The following SULF1 variants were observed in gnomAD, a reference collection of about 807,000 sequenced individuals.
The protein encoded by SULF1 is extracellular sulfatase Sulf-1.
Under a neutral mutation model 110.5 loss-of-function variants are expected in SULF1, and 46 were observed. The ratio of observed to expected loss-of-function variants is 0.42; its 90% CI spans 0.33 to 0.53. The LOEUF (loss-of-function observed/expected upper bound fraction) is 0.53, where lower values mean the gene tolerates loss of function less well. Among genes scored for constraint, SULF1 ranks in the 20% least tolerant of loss-of-function variants. SULF1 has a pLI of 0.12. For missense variants in SULF1, 941 were observed against 1,094.2 expected (o/e 0.86, Z 1.98); for synonymous variants, 371 against 387.1 (o/e 0.96, Z 0.49).
At chr8:69,558,477 G>A (rs1482348215) in intron 3 of SULF1, among the ~76,000 whole-genome samples, 2 of 152,156 alleles carry the variant, frequency 1.3e-5, no homozygotes, top group Non-Finnish European at 2.9e-5. Flanking sequence ...CGAGTGGGTT[G>A]TTCTGACCCT....
chr8:69,519,901 T>C (rs1812174807), intron 3 of SULF1, among the ~76,000 whole-genome samples: 1 of 152,054 alleles, frequency 6.6e-6, no homozygotes, highest in African/African-American at 2.4e-5. Flanking sequence ...ACTACAGAAA[T>C]TGGGAAGGAA....
chr8:69,630,540 A>C (rs1810437354), intron 19 of SULF1, among the ~76,000 whole-genome samples: 1 of 152,192 alleles, frequency 6.6e-6, no homozygotes, highest in Non-Finnish European at 1.5e-5. Context: ...TCTTGATTTC[A>C]GGGTCCATGT....
chr8:69,620,593 TC>T (rs1287876342), intron 13 of SULF1, among the ~76,000 whole-genome samples: 3 of 152,232 alleles, frequency 2.0e-5, no homozygotes, highest in African/African-American at 7.2e-5. Context: ...CATGTGCCAT[TC>T]TTCCCTGGCT....
At chr8:69,644,945 C>G (rs149349635) in intron 22 of SULF1, among the ~76,000 whole-genome samples, 1 of 152,140 alleles carries the variant, frequency 6.6e-6, no homozygotes, top group Non-Finnish European at 1.5e-5. Flanking sequence ...AGCTGTCTTA[C>G]TAGCACTGTT....
At chr8:69,488,331 A>G (rs567921481), upstream of SULF1, among the ~76,000 whole-genome samples, 2 of 152,374 alleles carry the variant, frequency 1.3e-5, no homozygotes, top group Admixed American at 1.3e-4. Context: ...TGACAAGAGT[A>G]GAAGTGTCAT....
At chr8:69,607,819 G>A (rs1468215660) in intron 13 of SULF1, among the ~76,000 whole-genome samples, 1 of 152,208 alleles carries the variant, frequency 6.6e-6, no homozygotes, top group Non-Finnish European at 1.5e-5. Context: ...CAGGTTCGAG[G>A]TGGCAGCGGA....
At chr8:69,591,543 G>A (rs756441093) in intron 8 of SULF1, among the ~76,000 whole-genome samples, 7 of 150,636 alleles carry the variant, frequency 4.6e-5, no homozygotes, top group African/African-American at 7.3e-5. Flanking sequence ...CAGCCTCGGC[G>A]ACAGAGCAAG....
At chr8:69,554,982 AAAAAAAAAAAAAAAAAC>A (rs1315787101) in intron 3 of SULF1, among the ~76,000 whole-genome samples, 4 of 101,904 alleles carry the variant, frequency 3.9e-5, no homozygotes, top group African/African-American at 1.5e-4. Flanking sequence ...CCATCTCAAA[AAAAAAAAAAAAAAAAAC>A]AAAAAAAAAA....
intron 3 of SULF1, among the ~76,000 whole-genome samples, chr8:69,507,678 T>C (rs1464209747): frequency 6.6e-6 from 1 of 152,212 alleles, no homozygotes; most frequent in Non-Finnish European, 1.5e-5. Flanking sequence ...AATAGGAGAA[T>C]TGAAGTACTA....
chr8:69,651,529 A>C (rs1045781507), intron 22 of SULF1, among the ~76,000 whole-genome samples: 9 of 151,012 alleles, frequency 6.0e-5, no homozygotes, highest in Admixed American at 5.9e-4. Flanking sequence ...ATGTTAAGGA[A>C]ATAGCCATCA....
At chr8:69,615,672 A>C (rs1809044853) in intron 13 of SULF1, among the ~76,000 whole-genome samples, 1 of 152,186 alleles carries the variant, frequency 6.6e-6, no homozygotes, top group South Asian at 2.1e-4. Context: ...ATGATACATC[A>C]TCATAGCCAA....
intron 3 of SULF1, among the ~76,000 whole-genome samples, chr8:69,526,834 GAA>G (rs1163581470): frequency 6.5e-4 from 94 of 143,718 alleles, no homozygotes; most frequent in African/African-American, 2.6e-3. Context: ...AGGAAGGAAG[GAA>G]GGAAGGGAGG....
At chr8:69,636,932 C>T (rs1020861352) in intron 19 of SULF1, among the ~76,000 whole-genome samples, 6 of 152,112 alleles carry the variant, frequency 3.9e-5, no homozygotes, top group Non-Finnish European at 7.3e-5. Context: ...AAAGAGTGAC[C>T]GTGACCTTTT....
intron 15 of SULF1, chr8:69,625,812 TC>T (rs1328808865): frequency 6.6e-6 from 1 of 152,436 alleles, no homozygotes; most frequent in Non-Finnish European, 1.5e-5. Flanking sequence ...CACTGCTGGC[TC>T]CGGCAGCCTG....
chr8:69,497,722 C>A (rs1023260961), intron 2 of SULF1, among the ~76,000 whole-genome samples: 1 of 152,126 alleles, frequency 6.6e-6, no homozygotes, highest in Non-Finnish European at 1.5e-5. Context: ...TACAAAGTTT[C>A]AGAGCCAGGA....
intron 8 of SULF1, among the ~76,000 whole-genome samples, chr8:69,599,989 C>T (rs1048485652): frequency 4.6e-5 from 7 of 152,118 alleles, no homozygotes; most frequent in Admixed American, 1.3e-4. Flanking sequence ...GTTTATTAAA[C>T]GAATAGCTTT....
At chr8:69,468,730 T>G (rs1176455214) in intron 1 of SULF1, among the ~76,000 whole-genome samples, 2 of 152,234 alleles carry the variant, frequency 1.3e-5, no homozygotes, top group Non-Finnish European at 2.9e-5. Flanking sequence ...ATGGACAGCA[T>G]ATAGCATGCA....
At chr8:69,634,478 G>A (rs985161262) in intron 19 of SULF1, among the ~76,000 whole-genome samples, 6 of 152,262 alleles carry the variant, frequency 3.9e-5, no homozygotes, top group Non-Finnish European at 7.4e-5. Context: ...GTTTAAGAGC[G>A]TAAAAGTTGG....
At chr8:69,557,522 T>C (rs767010568) in intron 3 of SULF1, among the ~76,000 whole-genome samples, 1 of 152,176 alleles carries the variant, frequency 6.6e-6, no homozygotes, top group Non-Finnish European at 1.5e-5. Context: ...TCCTTCTCAC[T>C]CTTCAACCCT....
Sources: allele counts gnomAD v4.1 joint callset (sites outside exome capture counted in the v4.1 genomes callset), GRCh38; gene constraint gnomAD v4.1.1; transcripts MANE v1.5; gene names NCBI Gene and HGNC (gene_info 2026-07-23, HGNC 2026-07-21).